The following H2AZ2 variants were observed in gnomAD, a reference collection of about 807,000 sequenced individuals.
H2AZ2 encodes H2A.Z variant histone 2.
In H2AZ2, 5 loss-of-function variants were observed where a neutral mutation model predicts 15.5. That is an observed-to-expected ratio of 0.32 (90% confidence interval 0.17 to 0.68). The LOEUF is 0.68. H2AZ2 is among the 30% of genes least tolerant of loss of function. H2AZ2 has a pLI of 0.72. For synonymous variants in H2AZ2, 44 were observed against 57.4 expected (o/e 0.77, Z 1.05); for missense variants, 42 against 162.5 (o/e 0.26, Z 4.03).
rs1468295838 is a variant in H2AZ2, at chr7:44,834,519, T to A, written c.369A>T (p.Gly123=). Reference sequence around the variant, plus strand: ...CATCCCTCTAAGCAGTTTTCTGCTGTCCCTTCTTTCCAATCAGAGATTTGT... The same window carrying A: ...CATCCCTCTAAGCAGTTTTCTGCTGACCCTTCTTTCCAATCAGAGATTTGT... ...HIHKSLIGKK[G]QQKTA is the part of the protein sequence containing the mutation. Residue 123 remains glycine (G), a synonymous_variant, in exon 5 of 5, where the codon GGA becomes GGT. Coordinates refer to ENST00000308153, the MANE Select transcript of H2AZ2 (RefSeq NM_012412.5). The A allele has an allele frequency of 6.2e-7, 1 of 1,610,140 alleles. No homozygotes were observed. The highest frequency in any genetic ancestry group is 1.3e-5 in the African/African-American group (1 of 74,838).
rs894810924 is a variant in H2AZ2, at chr7:44,833,539, C to T, written c.*962G>A. On this transcript the variant is annotated 3_prime_UTR_variant, in exon 5 of 5. Coordinates refer to ENST00000308153, the MANE Select transcript of H2AZ2 (RefSeq NM_012412.5). ...CGTGAGCCACCGCGCCTGGCCGAGA[C>T]GGCGTTTTACCATGTTGGCCAGGCT... 13 of 266,542 alleles carry T rather than the reference C, an allele frequency of 4.9e-5. No homozygotes were observed. The highest frequency in any genetic ancestry group is 3.2e-4 in the Admixed American group (5 of 15,406). The allele number at this position is 266,542 out of a possible 1,614,324, so 16.5% of individuals were successfully genotyped here.
At chr7:44,847,071 G>T (rs1413735635) in intron 1 of H2AZ2, among the ~76,000 whole-genome samples, 1 of 152,186 alleles carries the variant, frequency 6.6e-6, no homozygotes, top group Admixed American at 6.5e-5. Flanking sequence ...ACAGCTTGGT[G>T]CTAACTTTTA....
intron 3 of H2AZ2, among the ~76,000 whole-genome samples, chr7:44,837,952 C>T (rs944129110): frequency 1.3e-5 from 2 of 151,672 alleles, no homozygotes; most frequent in Non-Finnish European, 2.9e-5. Context: ...TTCTGCAGAA[C>T]CTTTAATAGC....
intron 1 of H2AZ2, among the ~76,000 whole-genome samples, chr7:44,847,651 G>C (rs928212309): frequency 3.9e-5 from 6 of 152,192 alleles, no homozygotes; most frequent in Admixed American, 3.3e-4. Flanking sequence ...TCCAGCACTT[G>C]TTTCTACATT....
chr7:44,830,133 C>A (rs763128803), downstream of H2AZ2: 1 of 1,613,430 alleles, frequency 6.2e-7, no homozygotes, highest in Admixed American at 1.7e-5. Context: ...AATACAATGG[C>A]ATCTTCTGAT....
chr7:44,844,913 C>T (rs1040452137), intron 1 of H2AZ2, among the ~76,000 whole-genome samples: 4 of 151,850 alleles, frequency 2.6e-5, no homozygotes, highest in East Asian at 1.9e-4. Flanking sequence ...ATTTGCCTCT[C>T]GGGAGGAAAT....
chr7:44,839,637 G>T (rs1793223613), intron 3 of H2AZ2, among the ~76,000 whole-genome samples: 1 of 151,316 alleles, frequency 6.6e-6, no homozygotes, highest in Non-Finnish European at 1.5e-5. Context: ...AGCCGAGACT[G>T]CACCACTGCA....
chr7:44,837,995 G>T (rs962161499), intron 3 of H2AZ2, among the ~76,000 whole-genome samples: 1 of 150,140 alleles, frequency 6.7e-6, no homozygotes, highest in Non-Finnish European at 1.5e-5. Flanking sequence ...TTTTTAAGAC[G>T]GAGTCTCGTT....
chr7:44,835,605 A>T lies in H2AZ2; in HGVS notation c.249T>A (p.Thr83=). The T allele has an allele frequency of 6.2e-7, 1 of 1,613,642 alleles. No homozygotes were observed. The highest frequency in any genetic ancestry group is 2.2e-5 in the East Asian group (1 of 44,874). The change falls in exon 4 of 5, where the codon ACT becomes ACA. Residue 83 remains threonine, a synonymous_variant. Transcript: ENST00000308153. ...GGATTGCAAGCTGCAAGTGACGCGGAGTGATACGCTTTACTTTGAGATCCT... is the reference window on the plus strand; with the variant it reads ...GGATTGCAAGCTGCAAGTGACGCGGTGTGATACGCTTTACTTTGAGATCCT... ...ASKDLKVKRI[T]PRHLQLAIRG...
rs1345663914 is a variant in H2AZ2 at position 44,833,243 on chromosome 7, GTTTGT to G, written c.*1253_*1257del. On this transcript the variant is annotated 3_prime_UTR_variant, in exon 5 of 5. Coordinates refer to ENST00000308153, the MANE Select transcript of H2AZ2 (RefSeq NM_012412.5). ...GTATTTTTAGTAGAGACTTTTTTTT[GTTTGT>G]TTTGAGAGGGAGTCTTGCTCAGTCG... 2.6e-5 allele frequency among the ~76,000 whole-genome samples: 4 copies of G among 151,416 alleles called. No homozygotes were observed. The highest frequency in any genetic ancestry group is 2.0e-4 in the Admixed American group (3 of 15,208).
intron 3 of H2AZ2, among the ~76,000 whole-genome samples, chr7:44,839,294 G>A (rs1793210757): frequency 6.6e-6 from 1 of 152,114 alleles, no homozygotes; most frequent in Admixed American, 6.6e-5. Flanking sequence ...GGTGGTTTAT[G>A]TCTGTAATCC....
intron 1 of H2AZ2, 74 bp from the exon 2 acceptor site, chr7:44,843,428 T>TA: frequency 2.0e-6 from 2 of 1,005,572 alleles, no homozygotes; most frequent in Non-Finnish European, 3.1e-6. Flanking sequence ...GGAAACAGAA[T>TA]TTTTTCTAGT....
downstream of H2AZ2, among the ~76,000 whole-genome samples, chr7:44,830,423 A>G (rs1792984293): frequency 6.6e-6 from 1 of 152,196 alleles, no homozygotes. Flanking sequence ...TTTCATAAAG[A>G]GTCAGATACT....
intron 4 of H2AZ2, chr7:44,834,874 C>G: frequency 4.9e-6 from 1 of 205,308 alleles, no homozygotes; most frequent in Non-Finnish European, 9.9e-6. Context: ...GACCTCTGTC[C>G]TGGGTTCAAG....
chr7:44,836,602 C>T (rs1179645453), intron 3 of H2AZ2, among the ~76,000 whole-genome samples: 1 of 152,048 alleles, frequency 6.6e-6, no homozygotes, highest in African/African-American at 2.4e-5. Context: ...ACTGCAACCA[C>T]CACCTCCCGG....
chr7:44,839,400 G>A (rs922303704), intron 3 of H2AZ2, among the ~76,000 whole-genome samples: 3 of 152,060 alleles, frequency 2.0e-5, no homozygotes, highest in African/African-American at 7.2e-5. Flanking sequence ...AAATAGGCTG[G>A]GCGCGGTGGC....
chr7:44,827,462 T>C (rs1173788438), downstream of H2AZ2: 9 of 152,214 alleles, frequency 5.9e-5, no homozygotes, highest in African/African-American at 2.2e-4. Context: ...AAAGTAAGGA[T>C]TGAGTATAGA....
intron 2 of H2AZ2, among the ~76,000 whole-genome samples, chr7:44,842,722 T>C (rs532275895): frequency 6.6e-6 from 1 of 152,322 alleles, no homozygotes; most frequent in African/African-American, 2.4e-5. Flanking sequence ...AGAATGTGCA[T>C]ATCAGTTTAA....
At chr7:44,844,246 T>C (rs1000313423) in intron 1 of H2AZ2, among the ~76,000 whole-genome samples, 2 of 152,186 alleles carry the variant, frequency 1.3e-5, no homozygotes. Flanking sequence ...ATGATATACA[T>C]ATAATGGAAT....
Sources: allele counts gnomAD v4.1 joint callset (sites outside exome capture counted in the v4.1 genomes callset), GRCh38; gene constraint gnomAD v4.1.1; transcripts MANE v1.5; gene names NCBI Gene and HGNC (gene_info 2026-07-23, HGNC 2026-07-21).